The following C8orf82 variants were observed in gnomAD, a reference collection of about 807,000 sequenced individuals.
C8orf82 encodes chromosome 8 open reading frame 82, also known as UPF0598 protein C8orf82.
Under a neutral mutation model 15.0 loss-of-function variants are expected in C8orf82, and 24 were observed. That is an observed-to-expected ratio of 1.60 (90% CI 1.16 to 2.24). The LOEUF (loss-of-function observed/expected upper bound fraction) is 2.24, where lower values mean the gene tolerates loss of function less well. Among genes scored for constraint, C8orf82 ranks in the 30% most tolerant of loss-of-function variants. The pLI, the probability that C8orf82 is intolerant of heterozygous loss-of-function variation, is 0.00. For missense variants in C8orf82, 388 were observed against 317.4 expected (o/e 1.22, Z -1.69); for synonymous variants, 205 against 152.2 (o/e 1.35, Z -2.55).
Position 144,528,942 on chromosome 8 carries a change from G to T in C8orf82, c.-26C>A. 2 of 1,495,666 alleles carry T rather than the reference G, an allele frequency of 1.3e-6. No homozygotes were observed. The highest frequency in any genetic ancestry group is 2.9e-5 in the African/African-American group (2 of 68,688). The allele number at this position is 1,495,666 out of a possible 1,614,324, so 92.6% of individuals were successfully genotyped here. On this transcript the variant is annotated 5_prime_UTR_variant, in exon 1 of 3. It adds an upstream start codon to the 5' untranslated region. Transcript: ENST00000524821. The stretch of plus-strand genomic sequence containing the variant: ...TCTCCTCCCGCGCCGGAAGCGACCA[G>T]CAGGTCACGCCGGGGGCGGTGCTGC...
At position 144,527,394 on chromosome 8, in the gene C8orf82, A is replaced by G; in HGVS notation, c.599T>C (p.Leu200Pro). 8.1e-7 allele frequency: 1 copy of G among 1,241,172 alleles called. No individual in the cohort carries two copies. The highest frequency in any genetic ancestry group is 1.0e-6 in the Non-Finnish European group (1 of 987,520). The allele number at this position is 1,241,172 out of a possible 1,614,324, so 76.9% of individuals were successfully genotyped here. A position where few individuals can be genotyped will look rare whatever the true frequency, so the allele number is the denominator to read the frequency against. ...PSHVRWQGRR[L>P]ALTMDLAPLL... Reference sequence around the variant, plus strand: ...CGGGGCCAGGTCCATGGTGAGGGCGAGGCGGCGGCCCTGCCAGCGCACGTG... The same window carrying G: ...CGGGGCCAGGTCCATGGTGAGGGCGGGGCGGCGGCCCTGCCAGCGCACGTG... Residue 200 changes from leucine to proline, a missense_variant, in exon 3 of 3, where the codon CTC becomes CCC. By Grantham distance (98) the Leu-to-Pro change is moderately conservative. Coordinates refer to ENST00000524821, the MANE Select transcript of C8orf82 (RefSeq NM_001001795.2).
rs1324563225 is a variant in C8orf82, at chr8:144,528,890, C to A, written c.27G>T (p.Arg9=). MWPPCGTL[R]TLALARSRGA... ...CCCGCGACCGCGCCAAGGCCAGGGTCCGGAGCGTCCCGCAAGGCGGCCACA... is the reference window on the plus strand; with the variant it reads ...CCCGCGACCGCGCCAAGGCCAGGGTACGGAGCGTCCCGCAAGGCGGCCACA... Residue 9 remains arginine (R), a synonymous_variant, in exon 1 of 3, where the codon CGG becomes CGT. Coordinates refer to ENST00000524821, the MANE Select transcript of C8orf82 (RefSeq NM_001001795.2). The A allele has an allele frequency of 6.6e-7, 1 of 1,514,286 alleles. No individual in the cohort carries two copies. Among genetic ancestry groups the A allele is most frequent in the South Asian group, 1.2e-5 (1 of 80,028 alleles). The allele number at this position is 1,514,286 out of a possible 1,614,324, so 93.8% of individuals were successfully genotyped here. A position where few individuals can be genotyped will look rare whatever the true frequency, so the allele number is the denominator to read the frequency against.
intron 1 of C8orf82, 65 bp downstream of exon 1, chr8:144,528,696 C>CCCCG (rs1816495240): frequency 9.1e-6 from 2 of 218,584 alleles, no homozygotes; most frequent in African/African-American, 2.7e-5. Flanking sequence ...CACGCCCCCC[C>CCCCG]CCCCGCCCCG....
rs576814507 is a variant in C8orf82 at position 144,528,883 on chromosome 8, C to T, written c.34G>A (p.Ala12Thr). Residue 12 changes from alanine (A) to threonine (T), a missense_variant, in exon 1 of 3, where the codon GCC becomes ACC. Coordinates refer to ENST00000524821, the MANE Select transcript of C8orf82 (RefSeq NM_001001795.2). ...WPPCGTLRTL[A>T]LARSRGARAC... ...CGGGCTCCCCGCGACCGCGCCAAGG[C>T]CAGGGTCCGGAGCGTCCCGCAAGGC... The T allele has an allele frequency of 6.6e-6, 10 of 1,518,148 alleles. No homozygotes were observed. In the South Asian group the frequency reaches 1.2e-4, roughly 19 times the overall value. 94.0% of individuals were successfully genotyped at this position (1,518,148 alleles called of 1,614,324 possible). A position where few individuals can be genotyped will look rare whatever the true frequency, so the allele number is the denominator to read the frequency against.
chr8:144,527,594 G>A lies in C8orf82; in HGVS notation c.399C>T (p.Gly133=). 6.6e-6 allele frequency: 10 copies of A among 1,513,326 alleles called. No homozygotes were observed. The highest frequency in any genetic ancestry group is 1.4e-5 in the African/African-American group (1 of 71,322). The allele number at this position is 1,513,326 out of a possible 1,614,324, so 93.7% of individuals were successfully genotyped here. A position where few individuals can be genotyped will look rare whatever the true frequency, so the allele number is the denominator to read the frequency against. The part of the protein sequence containing the change: ...GPPRLSYCGG[G]EALAVPFEPA... ...GCTCGAAGGGCACGGCCAGGGCCTC[G>A]CCACCGCCGCAGTAGGAGAGGCGCG... The change falls in exon 3 of 3, where the codon GGC becomes GGT. Residue 133 remains glycine (G), a synonymous_variant. Transcript: ENST00000524821.
In C8orf82 at chr8:144,526,482, T is replaced by C. The variant is rs1383223272; in HGVS notation, c.*860A>G. 1 of 152,188 alleles carries C rather than the reference T, an allele frequency of 6.6e-6. No homozygotes were observed. The highest frequency in any genetic ancestry group is 2.4e-5 in the African/African-American group (1 of 41,398). 9.4% of individuals were successfully genotyped at this position (152,188 alleles called of 1,614,324 possible). A position where few individuals can be genotyped will look rare whatever the true frequency, so the allele number is the denominator to read the frequency against. On this transcript the variant is annotated 3_prime_UTR_variant, in exon 3 of 3. Transcript: ENST00000524821. Reference sequence around the variant, plus strand: ...ACGCTGACCCCCCACTAGATGCAGATCGGTGTAGAAAGGCCTGCCAGGGCA... The same window carrying C: ...ACGCTGACCCCCCACTAGATGCAGACCGGTGTAGAAAGGCCTGCCAGGGCA...
rs778891707 is a variant in C8orf82 at position 144,527,598 on chromosome 8, C to T, written c.395G>A (p.Gly132Asp). The change falls in exon 3 of 3, where the codon GGT becomes GAT. Residue 132 changes from glycine to aspartate, a missense_variant. Transcript: ENST00000524821. ...HGPPRLSYCG[G>D]GEALAVPFEP... The stretch of plus-strand genomic sequence containing the variant: ...GAAGGGCACGGCCAGGGCCTCGCCA[C>T]CGCCGCAGTAGGAGAGGCGCGGAGG... 2 of 1,516,810 alleles carry T rather than the reference C, an allele frequency of 1.3e-6. No individual in the cohort carries two copies. Among genetic ancestry groups the T allele is most frequent in the African/African-American group, 2.8e-5 (2 of 71,464 alleles). 94.0% of individuals were successfully genotyped at this position (1,516,810 alleles called of 1,614,324 possible). A position where few individuals can be genotyped will look rare whatever the true frequency, so the allele number is the denominator to read the frequency against.
intron 1 of C8orf82, chr8:144,528,385 CTGCCTT>C (rs1816463651): frequency 1.3e-6 from 2 of 1,497,874 alleles, no homozygotes; most frequent in Non-Finnish European, 1.8e-6. Context: ...GGACATGCAG[CTGCCTT>C]TTGACAGGGC....
Position 144,526,047 on chromosome 8 carries a change from G to C in C8orf82, c.*1295C>G, listed in dbSNP as rs1351804623. 6.6e-6 allele frequency: 1 copy of C among 152,218 alleles called. No homozygotes were observed. The highest frequency in any genetic ancestry group is 2.4e-5 in the African/African-American group (1 of 41,444). The allele number at this position is 152,218 out of a possible 1,614,324, so 9.4% of individuals were successfully genotyped here. A position where few individuals can be genotyped will look rare whatever the true frequency, so the allele number is the denominator to read the frequency against. ...ACCCGAAGCCAGGGAAAACAGGGCT[G>C]CAGGTGTCCTGTCTCCCAGCCTCAT... On this transcript the variant is annotated 3_prime_UTR_variant, in exon 3 of 3. Coordinates refer to ENST00000524821, the MANE Select transcript of C8orf82 (RefSeq NM_001001795.2).
chr8:144,527,850 C>CA (rs767086319), intron 2 of C8orf82, 63 bp from the exon 3 acceptor site: 1 of 1,566,380 alleles, frequency 6.4e-7, no homozygotes, highest in Non-Finnish European at 8.7e-7. Context: ...GGCCCAGGAC[C>CA]ATACCGAGGG....
rs754703761 is a variant in C8orf82 at position 144,527,712 on chromosome 8, A to G, written c.281T>C (p.Phe94Ser). 1 of 1,589,720 alleles carries G rather than the reference A, an allele frequency of 6.3e-7. No individual in the cohort carries two copies. The highest frequency in any genetic ancestry group is 1.1e-5 in the South Asian group (1 of 89,752). ...GCGCTCTCTGCCGCAGGGCGAGAGG[A>G]AGGGGAAAGCGGCCTCGTAGCGCCC... is the stretch of plus-strand genomic sequence containing the variant. ...RSGRYEAAFP[F>S]LSPCGRERNF... Residue 94 changes from phenylalanine to serine, a missense_variant, in exon 3 of 3, where the codon TTC (phenylalanine) becomes TCC (serine). Transcript: ENST00000524821.
chr8:144,528,705 C>CCCCCCCCCACA, intron 1 of C8orf82, 56 bp downstream of exon 1: 1 of 576,546 alleles, frequency 1.7e-6, no homozygotes, highest in Non-Finnish European at 2.4e-6. Flanking sequence ...CCCCCCGCCC[C>CCCCCCCCCACA]GCCCAGAGAC....
chr8:144,529,030 A>AC lies in C8orf82; in HGVS notation c.-115dup. 1 of 1,124,702 alleles carries AC rather than the reference A, an allele frequency of 8.9e-7. No individual in the cohort carries two copies. The highest frequency in any genetic ancestry group is 1.2e-6 in the Non-Finnish European group (1 of 858,734). The allele number at this position is 1,124,702 out of a possible 1,614,324, so 69.7% of individuals were successfully genotyped here. A position where few individuals can be genotyped will look rare whatever the true frequency, so the allele number is the denominator to read the frequency against. The stretch of plus-strand genomic sequence containing the variant: ...CGTTCCGGCGGCGCCCGCCTCCGCG[A>AC]CCCGGGCCCGGCGCTCTTCCCTCTC... On this transcript the variant is annotated 5_prime_UTR_variant, in exon 1 of 3. Coordinates refer to ENST00000524821, the MANE Select transcript of C8orf82 (RefSeq NM_001001795.2).
In C8orf82 at chr8:144,527,163, G is replaced by T; in HGVS notation, c.*179C>A. The T allele has an allele frequency of 3.3e-6, 1 of 299,472 alleles. No homozygotes were observed. The highest frequency in any genetic ancestry group is 1.4e-4 in the South Asian group (1 of 6,964). 18.6% of individuals were successfully genotyped at this position (299,472 alleles called of 1,614,324 possible). A position where few individuals can be genotyped will look rare whatever the true frequency, so the allele number is the denominator to read the frequency against. On this transcript the variant is annotated 3_prime_UTR_variant, in exon 3 of 3. Transcript: ENST00000524821. ...GGGGGGCGCGCGCCGTGGGGAGCGG[G>T]GTGTCCGGGAGGGCCGGGCCGCGGC...
At chr8:144,528,616 C>CGGG in intron 1 of C8orf82, 145 bp downstream of exon 1, 9 of 295,986 alleles carry the variant, frequency 3.0e-5, no homozygotes, top group Non-Finnish European at 4.1e-5. Flanking sequence ...GCGCAGGCCC[C>CGGG]GCCCACCCAC....
rs1190813355 is a variant in C8orf82, at chr8:144,527,673, C to T, written c.320G>A (p.Cys107Tyr). 1.9e-6 allele frequency: 3 copies of T among 1,564,468 alleles called. No individual in the cohort carries two copies. The East Asian group carries it at 7.0e-5, about 36-fold the overall frequency. ...CGTGAAGACCACCGGCCGGTCCTCGCAGCGCAGGAAGTTGCGCTCTCTGCC... is the reference window on the plus strand; with the variant it reads ...CGTGAAGACCACCGGCCGGTCCTCGTAGCGCAGGAAGTTGCGCTCTCTGCC... ...PCGRERNFLR[C>Y]EDRPVVFTHL... is the part of the protein sequence containing the mutation. The change falls in exon 3 of 3, where the codon TGC becomes TAC. Residue 107 changes from cysteine (C) to tyrosine (Y), a missense_variant. Coordinates refer to ENST00000524821, the MANE Select transcript of C8orf82 (RefSeq NM_001001795.2).
rs1816425178 is a variant in C8orf82, at chr8:144,527,726, C to T, written c.267G>A (p.Glu89=). ...RLRPNRSGRY[E]AAFPFLSPCG... ...AGGGCGAGAGGAAGGGGAAAGCGGC[C>T]TCGTAGCGCCCGCTGCGGTTGGGTC... The change falls in exon 3 of 3, where the codon GAG becomes GAA. Residue 89 remains glutamate, a synonymous_variant. Transcript: ENST00000524821. The T allele has an allele frequency of 6.3e-7, 1 of 1,591,946 alleles. No individual in the cohort carries two copies. Among genetic ancestry groups the T allele is most frequent in the Non-Finnish European group, 8.5e-7 (1 of 1,176,442 alleles).
Position 144,528,793 on chromosome 8 carries a change from C to A in C8orf82, c.124G>T (p.Glu42Ter). ...TGGTGGTCCACGTAGTAGAAATACT[C>A]GCGGGTCCGCGGCTCCGGACTCTGG... ...QGQSPEPRTR[E>*]YFYYVDHQGQ... The change falls in exon 1 of 3, where the codon GAG (glutamate) becomes TAG (stop). Residue 42 changes from glutamate to a stop codon, truncating the protein, a stop_gained. Transcript: ENST00000524821. LOFTEE classifies it high-confidence loss of function. 1 of 1,455,508 alleles carries A rather than the reference C, an allele frequency of 6.9e-7. No individual in the cohort carries two copies. The highest frequency in any genetic ancestry group is 2.9e-5 in the East Asian group (1 of 34,738). 90.2% of individuals were successfully genotyped at this position (1,455,508 alleles called of 1,614,324 possible).
rs114222999 is a variant in C8orf82 at position 144,529,108 on chromosome 8, T to C, written c.-192A>G. ...TGGCCTTCCGAGAGGCGTGTGCCGG[T>C]GACGCCCCTTCCGGTCCGCCCCGCG... On this transcript the variant is annotated 5_prime_UTR_variant, in exon 1 of 3. Transcript: ENST00000524821. 30,005 of 496,628 alleles carry C rather than the reference T, an allele frequency of 0.06. 7,124 individuals are homozygous for C. Among genetic ancestry groups the C allele is most frequent in the African/African-American group, 0.53 (25,812 of 48,628 alleles). The allele number at this position is 496,628 out of a possible 1,614,324, so 30.8% of individuals were successfully genotyped here.
Sources: allele counts gnomAD v4.1 joint callset, GRCh38; gene constraint gnomAD v4.1.1; transcripts MANE v1.5; gene names NCBI Gene and HGNC (gene_info 2026-07-23, HGNC 2026-07-21).